Variants in DOCK3 observed in about 807,000 individuals in gnomAD.
DOCK3 encodes the protein dedicator of cytokinesis 3, also known as dedicator of cytokinesis protein 3.
Under a neutral mutation model 265.6 loss-of-function variants are expected in DOCK3, and 60 were observed. The ratio of observed to expected loss-of-function variants is 0.23; its 90% CI spans 0.18 to 0.28. The LOEUF (loss-of-function observed/expected upper bound fraction) is 0.28. Ranked by LOEUF, DOCK3 falls within the 10% of genes least tolerant of loss-of-function variation. DOCK3 has a pLI of 1.00. For synonymous variants in DOCK3, 881 were observed against 938.0 expected, an observed-to-expected ratio of 0.94 and a Z score of 1.11; for missense variants, 1,981 against 2,594.3, an observed-to-expected ratio of 0.76 and a Z score of 5.14.
rs2082540397 is a variant in DOCK3 at position 51,089,186 on chromosome 3, T to C, written c.550-57T>C. The C allele has an allele frequency of 9.1e-6, 14 of 1,546,312 alleles. No homozygotes were observed. In the South Asian group the frequency reaches 1.7e-4, roughly 18 times the overall value. On this transcript the variant is annotated intron_variant, in intron 7 of 52. Transcript: ENST00000266037. ...GACTGCCCAGCATATAGAAAGTTCT[T>C]AATAAAATTTAGTTTCTTTCCCGGT...
At chr3:51,239,303 G>T (rs746977076) in intron 21 of DOCK3, among the ~76,000 whole-genome samples, 1 of 151,906 alleles carries the variant, frequency 6.6e-6, no homozygotes, top group Non-Finnish European at 1.5e-5. Context: ...TGCGCCTCCT[G>T]GGTTCAAGCG....
chr3:51,019,493 G>C (rs2079495849), intron 5 of DOCK3, among the ~76,000 whole-genome samples: 2 of 151,666 alleles, frequency 1.3e-5, no homozygotes, highest in African/African-American at 2.4e-5. Context: ...GTAAGTTCTG[G>C]GGTACATGTG....
intron 1 of DOCK3, among the ~76,000 whole-genome samples, chr3:50,767,962 G>T (rs4258960): frequency 0.95 from 145,241 of 152,216 alleles, 69,707 homozygotes; most frequent in East Asian, 1. Context: ...TGCACATTGA[G>T]TTTATATCCT....
At chr3:51,112,405 G>T (rs2083559520) in intron 9 of DOCK3, among the ~76,000 whole-genome samples, 1 of 152,160 alleles carries the variant, frequency 6.6e-6, no homozygotes, top group Non-Finnish European at 1.5e-5. Flanking sequence ...CTATAGTCAT[G>T]GTTGGTAGTA....
intron 9 of DOCK3, among the ~76,000 whole-genome samples, chr3:51,098,101 G>T (rs1200298696): frequency 2.0e-5 from 3 of 152,156 alleles, no homozygotes; most frequent in African/African-American, 7.2e-5. Flanking sequence ...CTTTTGCCCA[G>T]ACTGGAGTGC....
chr3:50,865,633 G>C (rs952543001), intron 3 of DOCK3, among the ~76,000 whole-genome samples: 1 of 152,086 alleles, frequency 6.6e-6, no homozygotes, highest in African/African-American at 2.4e-5. Flanking sequence ...GTATCTCTTC[G>C]ATATACTGAT....
rs546789661 is a variant in DOCK3 at position 51,192,388 on chromosome 3, T to C, written c.1038-16386T>C. Among the ~76,000 whole-genome samples the C allele has an allele frequency of 1.3e-4, 20 of 151,532 alleles. No individual in the cohort carries two copies. The South Asian group carries it at 4.0e-3, about 30-fold the overall frequency. On this transcript the variant is annotated intron_variant, in intron 12 of 52. Transcript: ENST00000266037. ...CCTGATAGCAATACCAGGCAATAAC[T>C]CCACAAGAAAAAAAGAAAACTAACA...
chr3:51,001,197 T>C (rs2078472234), intron 5 of DOCK3, among the ~76,000 whole-genome samples: 1 of 152,230 alleles, frequency 6.6e-6, no homozygotes. Flanking sequence ...AATTAATAGA[T>C]TGAGTAAAGT....
chr3:50,706,063 C>T (rs1047345835), intron 1 of DOCK3, among the ~76,000 whole-genome samples: 10 of 151,822 alleles, frequency 6.6e-5, no homozygotes, highest in African/African-American at 2.2e-4. Context: ...TTCTCCTGTA[C>T]GCTCACTTCT....
At chr3:50,823,739 C>T (rs1056554017) in intron 2 of DOCK3, among the ~76,000 whole-genome samples, 4 of 152,020 alleles carry the variant, frequency 2.6e-5, no homozygotes, top group African/African-American at 7.2e-5. Context: ...CCAGTAGGGG[C>T]GGCTGGGCAG....
intron 5 of DOCK3, among the ~76,000 whole-genome samples, chr3:51,060,964 C>T (rs1002072309): frequency 1.2e-4 from 18 of 152,152 alleles, no homozygotes; most frequent in African/African-American, 4.3e-4. Flanking sequence ...TGAAAAAATG[C>T]TCTTCATCAC....
intron 2 of DOCK3, among the ~76,000 whole-genome samples, chr3:50,838,686 A>T (rs1192236351): frequency 6.6e-6 from 1 of 152,236 alleles, no homozygotes; most frequent in Non-Finnish European, 1.5e-5. Context: ...CATTTGGAAG[A>T]TACTTCAGTG....
chr3:50,698,461 G>A (rs1045914517), intron 1 of DOCK3, among the ~76,000 whole-genome samples: 1 of 131,430 alleles, frequency 7.6e-6, no homozygotes, highest in African/African-American at 2.8e-5. Context: ...TCATCGTTAT[G>A]AATAATTATG....
intron 27 of DOCK3, among the ~76,000 whole-genome samples, chr3:51,284,775 A>C (rs1303837526): frequency 6.6e-6 from 1 of 152,152 alleles, no homozygotes; most frequent in Non-Finnish European, 1.5e-5. Context: ...TTCTTCCTGG[A>C]AGGCATTTGG....
chr3:50,726,719 C>T (rs758503998), intron 1 of DOCK3, among the ~76,000 whole-genome samples: 1 of 152,130 alleles, frequency 6.6e-6, no homozygotes, highest in African/African-American at 2.4e-5. Context: ...AGAATTTACT[C>T]TTTACAAAAC....
At chr3:51,261,891 T>G (rs1445895924) in intron 23 of DOCK3, among the ~76,000 whole-genome samples, 1 of 152,160 alleles carries the variant, frequency 6.6e-6, no homozygotes, top group Admixed American at 6.5e-5. Flanking sequence ...AGGGCATCTC[T>G]GAAAGAAAGA....
chr3:51,221,372 TATGGGCC>T (rs1244771477), intron 14 of DOCK3, among the ~76,000 whole-genome samples: 1 of 152,194 alleles, frequency 6.6e-6, no homozygotes, highest in Non-Finnish European at 1.5e-5. Flanking sequence ...AACTATAGCC[TATGGGCC>T]AAATCCAGCC....
At chr3:50,976,704 C>G (rs1476158628) in intron 5 of DOCK3, among the ~76,000 whole-genome samples, 9 of 151,830 alleles carry the variant, frequency 5.9e-5, no homozygotes, top group Non-Finnish European at 1.3e-4. Context: ...TCCTTGTTGA[C>G]TTTCTGTCTT....
At chr3:50,959,571 A>C (rs546397582) in intron 5 of DOCK3, among the ~76,000 whole-genome samples, 1 of 144,428 alleles carries the variant, frequency 6.9e-6, no homozygotes, top group South Asian at 2.2e-4. Flanking sequence ...TATATATATA[A>C]AATTTATTTA....
Sources: allele counts gnomAD v4.1 joint callset (sites outside exome capture counted in the v4.1 genomes callset), GRCh38; gene constraint gnomAD v4.1.1; transcripts MANE v1.5; gene names NCBI Gene and HGNC (gene_info 2026-07-23, HGNC 2026-07-21).